Variants in PIK3R1 observed in about 807,000 individuals in gnomAD.
PIK3R1 encodes the protein phosphatidylinositol 3-kinase regulatory subunit alpha.
In PIK3R1, 29 loss-of-function variants were observed where a neutral mutation model predicts 98.0. The observed-to-expected ratio is 0.30, with a 90% CI of 0.22 to 0.40. The LOEUF (loss-of-function observed/expected upper bound fraction) is 0.40. Among genes scored for constraint, PIK3R1 ranks in the 10% least tolerant of loss-of-function variants. The pLI is 1.00. For synonymous variants in PIK3R1, 282 were observed against 311.8 expected, an observed-to-expected ratio of 0.90 and a Z score of 1.01; for missense variants, 596 against 872.7, an observed-to-expected ratio of 0.68 and a Z score of 3.99.
At chr5:68,259,903 T>G (rs986908540) in intron 2 of PIK3R1, among the ~76,000 whole-genome samples, 4 of 152,156 alleles carry the variant, frequency 2.6e-5, no homozygotes, top group African/African-American at 9.7e-5. Flanking sequence ...TCTTATCAGT[T>G]AAATCCTGGT....
At chr5:68,296,478 G>A (rs1747720546) in intron 15 of PIK3R1, 137 bp downstream of exon 15, 1 of 781,574 alleles carries the variant, frequency 1.3e-6, no homozygotes, top group African/African-American at 1.7e-5. Context: ...ATGTAGAAGA[G>A]AAACCAAAGC....
intron 1 of PIK3R1, 154 bp downstream of exon 1, chr5:68,216,103 C>G (rs1370865433): frequency 1.3e-5 from 2 of 152,228 alleles, no homozygotes; most frequent in Admixed American, 6.5e-5. Flanking sequence ...CCGGCCCTCC[C>G]CGCCTCCGGC....
intron 2 of PIK3R1, among the ~76,000 whole-genome samples, chr5:68,265,031 C>T (rs576020880): frequency 9.2e-5 from 14 of 152,194 alleles, no homozygotes; most frequent in African/African-American, 3.4e-4. Flanking sequence ...ATTCTGTCTC[C>T]CACAATGGTC....
chr5:68,242,857 C>T (rs983985860), intron 2 of PIK3R1, among the ~76,000 whole-genome samples: 6 of 152,118 alleles, frequency 3.9e-5, no homozygotes, highest in African/African-American at 1.2e-4. Flanking sequence ...TCAAGTTGGC[C>T]AGAGAAGACT....
intron 2 of PIK3R1, among the ~76,000 whole-genome samples, chr5:68,235,958 C>G (rs1744649503): frequency 6.6e-6 from 1 of 151,144 alleles, no homozygotes; most frequent in Non-Finnish European, 1.5e-5. Context: ...GCAACCTCTG[C>G]CTCCTGGGTT....
intron 2 of PIK3R1, among the ~76,000 whole-genome samples, chr5:68,248,172 GT>G (rs1197608904): frequency 1.3e-5 from 2 of 152,004 alleles, no homozygotes; most frequent in Non-Finnish European, 2.9e-5. Flanking sequence ...TAGAGATGGG[GT>G]TTTGCCATGT....
rs111373238 is a variant in PIK3R1 at position 68,216,404 on chromosome 5, G to GTA, written c.-387+455_-387+456insTA. ...GGGAAGGAGCGCTCCCTTCCCCCGT[G>GTA]GCCCTCCAGCTGCAGCCAGGGTCGC... On this transcript the variant is annotated intron_variant, in intron 1 of 15. Coordinates refer to ENST00000521381, the MANE Select transcript of PIK3R1 (RefSeq NM_181523.3). Among the ~76,000 whole-genome samples, 512 of 152,330 alleles carry GTA rather than the reference G, an allele frequency of 3.4e-3. 3 individuals carry two copies. Among genetic ancestry groups the GTA allele is most frequent in the African/African-American group, 0.011 (443 of 41,574 alleles).
chr5:68,262,979 G>GTATACA (rs1745924782), intron 2 of PIK3R1, among the ~76,000 whole-genome samples: 1 of 22,980 alleles, frequency 4.4e-5, no homozygotes, highest in Admixed American at 3.8e-4. Flanking sequence ...ATATATACAT[G>GTATACA]TAGATACATG....
intron 2 of PIK3R1, among the ~76,000 whole-genome samples, chr5:68,244,230 G>T (rs1580193255): frequency 6.6e-6 from 1 of 152,116 alleles, no homozygotes; most frequent in African/African-American, 2.4e-5. Context: ...GAAAACAGTT[G>T]TATGGAGCGT....
chr5:68,235,351 C>T (rs914126166), intron 2 of PIK3R1, among the ~76,000 whole-genome samples: 1 of 151,514 alleles, frequency 6.6e-6, no homozygotes, highest in South Asian at 2.1e-4. Context: ...TGCAGTGAGC[C>T]GAGATTGTGC....
In PIK3R1 at chr5:68,274,016, G is replaced by A. The variant is rs747114700; in HGVS notation, c.502+3G>A. 3.1e-6 allele frequency: 5 copies of A among 1,609,984 alleles called. No individual in the cohort carries two copies. The East Asian group carries it at 6.7e-5, about 22-fold the overall frequency. On this transcript the variant is annotated splice_donor_region_variant and intron_variant, in intron 4 of 15. Coordinates refer to ENST00000521381, the MANE Select transcript of PIK3R1 (RefSeq NM_181523.3). ...ATTACGACAGCTTCTTGATTGTGGTGAGTGTCACAGAGCTAGAAATGCAAA... is the reference window on the plus strand; with the variant it reads ...ATTACGACAGCTTCTTGATTGTGGTAAGTGTCACAGAGCTAGAAATGCAAA...
In PIK3R1 at chr5:68,288,893, C is replaced by T. The variant is rs1181656660; in HGVS notation, c.917-3366C>T. On this transcript the variant is annotated intron_variant, in intron 7 of 15. Coordinates refer to ENST00000521381, the MANE Select transcript of PIK3R1 (RefSeq NM_181523.3). ...CAGATGGGAGATTAGGGGAGACACT[C>T]CCCCTGTCCTCGAGGGGGACAGTGG... 1.1e-5 allele frequency: 9 copies of T among 832,842 alleles called. No homozygotes were observed. In the South Asian group the frequency reaches 1.3e-4, roughly 12 times the overall value. The allele number at this position is 832,842 out of a possible 1,614,324, so 51.6% of individuals were successfully genotyped here. A position where few individuals can be genotyped will look rare whatever the true frequency, so the allele number is the denominator to read the frequency against.
In PIK3R1 at chr5:68,300,731, T is replaced by A; in HGVS notation, c.*3130T>A. 4.3e-6 allele frequency: 1 copy of A among 233,302 alleles called. No homozygotes were observed. The highest frequency in any genetic ancestry group is 8.5e-6 in the Non-Finnish European group (1 of 118,056). The allele number at this position is 233,302 out of a possible 1,614,324, so 14.5% of individuals were successfully genotyped here. On this transcript the variant is annotated 3_prime_UTR_variant, in exon 16 of 16. Transcript: ENST00000521381. ...ACATAAAGTACATAACAAGCGAACG[T>A]CTAGTACAATTCTTACTTATGTGTA...
chr5:68,218,265 C>T (rs1035346707), intron 1 of PIK3R1, among the ~76,000 whole-genome samples: 3 of 152,132 alleles, frequency 2.0e-5, no homozygotes, highest in Non-Finnish European at 2.9e-5. Context: ...TTTCACCTAA[C>T]GTGATTTTTG....
intron 1 of PIK3R1, among the ~76,000 whole-genome samples, chr5:68,218,799 C>A (rs1171143816): frequency 6.6e-6 from 1 of 152,112 alleles, no homozygotes; most frequent in Non-Finnish European, 1.5e-5. Context: ...TTTAATGAAG[C>A]CCTGGAAGAC....
chr5:68,292,653 C>T (rs1747458656), intron 8 of PIK3R1: 1 of 1,342,074 alleles, frequency 7.5e-7, no homozygotes, highest in Non-Finnish European at 9.6e-7. Context: ...CTATTAAGCA[C>T]AACTCTAAGA....
At chr5:68,231,015 A>C (rs1323404590) in intron 2 of PIK3R1, among the ~76,000 whole-genome samples, 2 of 152,186 alleles carry the variant, frequency 1.3e-5, no homozygotes, top group African/African-American at 4.8e-5. Flanking sequence ...CCGCTACACC[A>C]ACCCCATTCA....
intron 2 of PIK3R1, among the ~76,000 whole-genome samples, chr5:68,234,969 G>T (rs1197093790): frequency 6.6e-6 from 1 of 152,008 alleles, no homozygotes; most frequent in African/African-American, 2.4e-5. Flanking sequence ...GCCTGCTACT[G>T]GTTTTTGGTA....
intron 2 of PIK3R1, among the ~76,000 whole-genome samples, chr5:68,263,292 G>A (rs887213031): frequency 8.1e-6 from 1 of 123,232 alleles, no homozygotes. Flanking sequence ...AGGGCCTTCT[G>A]TATATCACAG....
Sources: allele counts gnomAD v4.1 joint callset (sites outside exome capture counted in the v4.1 genomes callset), GRCh38; gene constraint gnomAD v4.1.1; transcripts MANE v1.5; gene names NCBI Gene and HGNC (gene_info 2026-07-23, HGNC 2026-07-21).